Variants in DHX33 observed in about 807,000 individuals in gnomAD.
DHX33 encodes ATP-dependent RNA helicase DHX33.
Under a neutral mutation model 72.5 loss-of-function variants are expected in DHX33, and 42 were observed. That is an observed-to-expected ratio of 0.58 (90% CI 0.45 to 0.75). The LOEUF (loss-of-function observed/expected upper bound fraction) is 0.75. Among genes scored for constraint, DHX33 ranks in the 30% least tolerant of loss-of-function variants. The pLI is 0.00. For synonymous variants in DHX33, 358 were observed against 366.1 expected (o/e 0.98, Z 0.25); for missense variants, 842 against 917.5 (o/e 0.92, Z 1.06).
chr17:5,456,197 G>T lies in DHX33; in HGVS notation c.850-15C>A. 2 of 1,613,102 alleles carry T rather than the reference G, an allele frequency of 1.2e-6. No individual in the cohort carries two copies. Among genetic ancestry groups the T allele is most frequent in the South Asian group, 1.1e-5 (1 of 91,068 alleles). ...GAAGGGGCTTCCTGTAAAAAAAGTA[G>T]AGTGGGTTTACTAGGCATTGATAGA... On this transcript the variant is annotated splice_polypyrimidine_tract_variant and intron_variant, in intron 4 of 11. Coordinates refer to ENST00000225296, the MANE Select transcript of DHX33 (RefSeq NM_020162.4).
intron 8 of DHX33, 33 bp from the exon 9 acceptor site, chr17:5,450,967 AGTCC>A (rs1450375990): frequency 7.5e-6 from 12 of 1,603,474 alleles, no homozygotes; most frequent in African/African-American, 4.0e-5. Context: ...AGGAGCCAAA[AGTCC>A]AAAAAAATGA....
chr17:5,450,766 G>A, intron 9 of DHX33, 41 bp downstream of exon 9: 1 of 1,613,552 alleles, frequency 6.2e-7, no homozygotes, highest in South Asian at 1.1e-5. Flanking sequence ...ACGGTTAACT[G>A]TAATGTACAG....
chr17:5,463,043 C>A (rs1597364481), intron 2 of DHX33, among the ~76,000 whole-genome samples: 1 of 151,796 alleles, frequency 6.6e-6, no homozygotes, highest in Non-Finnish European at 1.5e-5. Context: ...TGCGCCACTG[C>A]ACCTCAGCCT....
chr17:5,468,907 C>T lies in DHX33; in HGVS notation c.-48G>A, dbSNP rs932922410. On this transcript the variant is annotated 5_prime_UTR_variant, in exon 1 of 12. Coordinates refer to ENST00000225296, the MANE Select transcript of DHX33 (RefSeq NM_020162.4). ...AGGCGCAAGCGCCGAGAGCTCCTGC[C>T]CCCTCTCAGGTGCAGACAACAGGAG... The T allele has an allele frequency of 1.4e-5, 21 of 1,546,008 alleles. No individual in the cohort carries two copies. The South Asian group carries it at 1.4e-4, about 11-fold the overall frequency.
At chr17:5,447,240 G>A (rs188342018) in intron 11 of DHX33, among the ~76,000 whole-genome samples, 2 of 152,310 alleles carry the variant, frequency 1.3e-5, no homozygotes, top group Admixed American at 1.3e-4. Flanking sequence ...TTTGTGGGCC[G>A]GGCACAGTGG....
At chr17:5,451,110 C>A (rs1470322940) in intron 8 of DHX33, among the ~76,000 whole-genome samples, 176 bp from the exon 9 acceptor site, 2 of 152,128 alleles carry the variant, frequency 1.3e-5, no homozygotes. Flanking sequence ...TAGTTCAATT[C>A]CCTTTTCTTT....
At chr17:5,456,439 G>A (rs1904331269) in intron 4 of DHX33, among the ~76,000 whole-genome samples, 2 of 152,102 alleles carry the variant, frequency 1.3e-5, no homozygotes, top group African/African-American at 4.8e-5. Context: ...TTGCAGCCAG[G>A]AGTTTGTGAC....
At chr17:5,456,852 G>C (rs574418234) in intron 4 of DHX33, among the ~76,000 whole-genome samples, 18 of 152,326 alleles carry the variant, frequency 1.2e-4, no homozygotes, top group African/African-American at 4.1e-4. Context: ...GCTGGAGAAG[G>C]AGCCTTTAAT....
intron 9 of DHX33, among the ~76,000 whole-genome samples, 167 bp from the exon 10 acceptor site, chr17:5,450,573 A>T (rs1320487035): frequency 6.6e-6 from 1 of 152,236 alleles, no homozygotes; most frequent in Non-Finnish European, 1.5e-5. Context: ...AATATTCAAT[A>T]AAACAGGTGA....
chr17:5,446,102 G>A (rs1275048149), intron 11 of DHX33, among the ~76,000 whole-genome samples: 1 of 152,170 alleles, frequency 6.6e-6, no homozygotes, highest in African/African-American at 2.4e-5. Flanking sequence ...AGCCTCCTGA[G>A]TAGCTGGGGT....
At position 5,442,224 on chromosome 17, in the gene DHX33, G is replaced by A. The variant is rs1916461640; in HGVS notation, c.*1981C>T. The A allele has an allele frequency of 6.7e-6, 1 of 149,108 alleles. No individual in the cohort carries two copies. Among genetic ancestry groups the A allele is most frequent in the Non-Finnish European group, 1.5e-5 (1 of 67,732 alleles). The allele number at this position is 149,108 out of a possible 1,614,324, so 9.2% of individuals were successfully genotyped here. ...CCCAAAGTGCTGGGATTACAGGTGT[G>A]AGCCACTGCGCCCGGCCACCCCCCA... On this transcript the variant is annotated 3_prime_UTR_variant, in exon 12 of 12. Transcript: ENST00000225296.
rs1343573700 is a variant in DHX33, at chr17:5,444,423, GA to G, written c.1905del (p.Gln636SerfsTer50). ...GTGGTGGCATAGGTGCCATCTGGCT[GA>G]AGCTCGGCGGTGCTCATGAAGAGGC... Reference protein sequence around the residue: ...AHSLFMSTAELQPDGTYATTD... With the variant: ...AHSLFMSTAEXQPDGTYATTD... On this transcript the variant is annotated frameshift_variant, in exon 12 of 12. Transcript: ENST00000225296. LOFTEE classifies it high-confidence loss of function. This position sits in a 1 kb window ranked among gnomAD's most constrained non-coding sequence, Gnocchi z 4.9. The G allele has an allele frequency of 6.2e-7, 1 of 1,614,216 alleles. No individual in the cohort carries two copies. The highest frequency in any genetic ancestry group is 1.1e-5 in the South Asian group (1 of 91,086).
In DHX33 at chr17:5,441,744, T is replaced by TAC. The variant is rs1390319562; in HGVS notation, c.*2459_*2460dup. ...CTGTATTAAAACTCTACCACAATGT[T>TAC]ACAGGGATAAACTTATTTCTGTACA... On this transcript the variant is annotated 3_prime_UTR_variant, in exon 12 of 12. Coordinates refer to ENST00000225296, the MANE Select transcript of DHX33 (RefSeq NM_020162.4). The TAC allele has an allele frequency of 6.6e-6, 1 of 152,158 alleles. No homozygotes were observed. Among genetic ancestry groups the TAC allele is most frequent in the East Asian group, 1.9e-4 (1 of 5,184 alleles). 9.4% of individuals were successfully genotyped at this position (152,158 alleles called of 1,614,324 possible).
Position 5,443,953 on chromosome 17 carries a change from G to T in DHX33, c.*252C>A. On this transcript the variant is annotated 3_prime_UTR_variant, in exon 12 of 12. Transcript: ENST00000225296. ...GGCAGATGAGAAAACTGAGGCTCAG[G>T]TGTTAAATTAAGTCAAAGTCACCCA... is the stretch of plus-strand genomic sequence containing the variant. 2.2e-6 allele frequency: 1 copy of T among 448,360 alleles called. No individual in the cohort carries two copies. The highest frequency in any genetic ancestry group is 4.0e-6 in the Non-Finnish European group (1 of 251,484). 27.8% of individuals were successfully genotyped at this position (448,360 alleles called of 1,614,324 possible). A position where few individuals can be genotyped will look rare whatever the true frequency, so the allele number is the denominator to read the frequency against.
intron 4 of DHX33, among the ~76,000 whole-genome samples, chr17:5,456,423 G>T (rs1904330789): frequency 6.6e-6 from 1 of 152,096 alleles, no homozygotes; most frequent in Admixed American, 6.6e-5. Flanking sequence ...GAGGCGGGAG[G>T]ATCGTTTGCA....
chr17:5,442,704 C>G lies in DHX33; in HGVS notation c.*1501G>C, dbSNP rs1389511248. On this transcript the variant is annotated 3_prime_UTR_variant, in exon 12 of 12. Coordinates refer to ENST00000225296, the MANE Select transcript of DHX33 (RefSeq NM_020162.4). ...AAGAGCCTCTTGGGCAGCTTGGCCC[C>G]TGGTTATAACTATGATTCATTCATT... The G allele has an allele frequency of 3.3e-5, 5 of 152,182 alleles. No homozygotes were observed. Among genetic ancestry groups the G allele is most frequent in the African/African-American group, 9.7e-5 (4 of 41,450 alleles). The allele number at this position is 152,182 out of a possible 1,614,324, so 9.4% of individuals were successfully genotyped here. A position where few individuals can be genotyped will look rare whatever the true frequency, so the allele number is the denominator to read the frequency against.
intron 3 of DHX33, among the ~76,000 whole-genome samples, chr17:5,461,939 T>TTC (rs1904646271): frequency 6.9e-6 from 1 of 144,868 alleles, no homozygotes; most frequent in South Asian, 2.2e-4. Context: ...ACTTTCACTT[T>TTC]TTTTTTTTTT....
intron 1 of DHX33, 42 bp from the exon 2 acceptor site, chr17:5,463,731 C>G (rs771186513): frequency 3.2e-6 from 5 of 1,544,362 alleles, no homozygotes; most frequent in East Asian, 2.3e-5. Context: ...CACTGAAATG[C>G]AAACTGGGGC....
At chr17:5,454,025 A>G in intron 6 of DHX33, 45 bp from the exon 7 acceptor site, 1 of 1,597,194 alleles carries the variant, frequency 6.3e-7, no homozygotes. Context: ...ACATGAACAA[A>G]CTCTTTCTAC....
Sources: allele counts gnomAD v4.1 joint callset (sites outside exome capture counted in the v4.1 genomes callset), GRCh38; gene constraint gnomAD v4.1.1; non-coding constraint Gnocchi (gnomAD v3.1); transcripts MANE v1.5; gene names NCBI Gene and HGNC (gene_info 2026-07-23, HGNC 2026-07-21).